Variants in ANO4 observed in about 807,000 individuals in gnomAD.
The protein encoded by ANO4 is anoctamin-4.
Under a neutral mutation model 141.9 loss-of-function variants are expected in ANO4, and 69 were observed. The observed-to-expected ratio is 0.49, with a 90% CI of 0.40 to 0.59. The LOEUF (loss-of-function observed/expected upper bound fraction) is 0.59, where lower values mean the gene tolerates loss of function less well. Ranked by LOEUF, ANO4 falls within the 20% of genes least tolerant of loss-of-function variation. ANO4 has a pLI of 0.00. For missense variants in ANO4, 894 were observed against 1,162.2 expected (o/e 0.77, Z 3.36); for synonymous variants, 350 against 394.3 (o/e 0.89, Z 1.33).
rs139462317 is a variant in ANO4 at position 100,966,884 on chromosome 12, T to TACACAC, written c.457-4406_457-4401dup. 4.5e-3 allele frequency among the ~76,000 whole-genome samples: 662 copies of TACACAC among 147,568 alleles called. 4 individuals carry two copies. The highest frequency in any genetic ancestry group is 0.013 in the African/African-American group (513 of 40,140). ...ATGTATATATATATACACACACACA[T>TACACAC]ACACACACACACACACACACATACA... On this transcript the variant is annotated intron_variant, in intron 5 of 27. Transcript: ENST00000392977.
chr12:100,891,140 T>C (rs1175029081), intron 1 of ANO4, among the ~76,000 whole-genome samples: 1 of 152,220 alleles, frequency 6.6e-6, no homozygotes, highest in African/African-American at 2.4e-5. Context: ...TGTCTTTTCA[T>C]GGCTTGACAG....
intron 8 of ANO4, among the ~76,000 whole-genome samples, chr12:101,002,433 G>C (rs1044040248): frequency 6.6e-6 from 1 of 152,152 alleles, no homozygotes. Context: ...AGGGCCTTTG[G>C]GATAAAGCTT....
At chr12:100,754,020 T>A (rs910841708) in intron 3 of ANO4, among the ~76,000 whole-genome samples, 2 of 152,188 alleles carry the variant, frequency 1.3e-5, no homozygotes, top group African/African-American at 4.8e-5. Flanking sequence ...GTTCTTTTGC[T>A]CTTGTGAATA....
intron 1 of ANO4, among the ~76,000 whole-genome samples, chr12:100,897,900 A>G (rs572264274): frequency 2.0e-5 from 3 of 152,232 alleles, no homozygotes; most frequent in Non-Finnish European, 2.9e-5. Context: ...TGGGCTTCCA[A>G]TCTGTCCCCC....
At chr12:100,853,343 T>G (rs1266547883) in intron 1 of ANO4, among the ~76,000 whole-genome samples, 3 of 152,142 alleles carry the variant, frequency 2.0e-5, no homozygotes, top group African/African-American at 7.2e-5. Context: ...GTATGTCCTG[T>G]TTAAGAAATA....
At chr12:100,811,338 A>G (rs2035424081) in intron 1 of ANO4, among the ~76,000 whole-genome samples, 1 of 152,312 alleles carries the variant, frequency 6.6e-6, no homozygotes, top group South Asian at 2.1e-4. Context: ...TGGAGACTTG[A>G]GTCAGGCTAG....
intron 17 of ANO4, among the ~76,000 whole-genome samples, chr12:101,088,765 G>T (rs1443014694): frequency 6.6e-6 from 1 of 151,562 alleles, no homozygotes; most frequent in Non-Finnish European, 1.5e-5. Context: ...TGGCACACCT[G>T]TAGTCTCAGC....
chr12:101,084,203 C>T lies in ANO4; in HGVS notation c.1536+385C>T, dbSNP rs573728848. 3.3e-5 allele frequency among the ~76,000 whole-genome samples: 5 copies of T among 152,288 alleles called. No homozygotes were observed. The South Asian group carries it at 1.0e-3, about 32-fold the overall frequency. Reference sequence around the variant, plus strand: ...ATACAGTAAGAAATATATTCTCTGTCATAACCCCGAATATGCCAAGCAAGT... The same window carrying T: ...ATACAGTAAGAAATATATTCTCTGTTATAACCCCGAATATGCCAAGCAAGT... On this transcript the variant is annotated intron_variant, in intron 16 of 27. Coordinates refer to ENST00000392977, the MANE Select transcript of ANO4 (RefSeq NM_001286615.2).
At chr12:100,938,770 G>A (rs995556270) in intron 3 of ANO4, among the ~76,000 whole-genome samples, 1 of 152,078 alleles carries the variant, frequency 6.6e-6, no homozygotes, top group Non-Finnish European at 1.5e-5. Flanking sequence ...GAAGAAAAAA[G>A]GCCAAAAATC....
intron 8 of ANO4, among the ~76,000 whole-genome samples, chr12:100,998,406 T>TCTAG (rs1319197265): frequency 6.6e-6 from 1 of 151,812 alleles, no homozygotes; most frequent in African/African-American, 2.4e-5. Context: ...TATCTATCTA[T>TCTAG]CTATCTATCC....
chr12:101,048,521 A>G (rs192470718), intron 14 of ANO4, 120 bp downstream of exon 14: 2 of 837,432 alleles, frequency 2.4e-6, no homozygotes, highest in East Asian at 5.2e-5. Context: ...TAGCTTTCCT[A>G]TTAGTAGAAA....
At chr12:101,025,191 A>G (rs1432540354) in intron 9 of ANO4, among the ~76,000 whole-genome samples, 6 of 152,234 alleles carry the variant, frequency 3.9e-5, no homozygotes, top group Non-Finnish European at 5.9e-5. Context: ...AACAGACAAA[A>G]TGTATGAAAC....
At chr12:100,764,496 A>T (rs1342620398) in intron 3 of ANO4, among the ~76,000 whole-genome samples, 1 of 152,220 alleles carries the variant, frequency 6.6e-6, no homozygotes, top group Non-Finnish European at 1.5e-5. Flanking sequence ...CACTTTAATT[A>T]TCCTTCTCAG....
intron 17 of ANO4, among the ~76,000 whole-genome samples, 188 bp downstream of exon 17, chr12:101,087,012 T>C (rs1276690685): frequency 6.6e-6 from 1 of 152,130 alleles, no homozygotes; most frequent in Non-Finnish European, 1.5e-5. Flanking sequence ...TTGATTCAAA[T>C]CTAGACTCCG....
chr12:100,765,431 T>G (rs1303439407), intron 3 of ANO4, among the ~76,000 whole-genome samples: 1 of 147,686 alleles, frequency 6.8e-6, no homozygotes, highest in Non-Finnish European at 1.5e-5. Context: ...CAGGTTGGAG[T>G]GCAGTGGCAT....
Position 100,929,902 on chromosome 12 carries a change from GT to G in ANO4, c.160+7577del, listed in dbSNP as rs372763769. Among the ~76,000 whole-genome samples the G allele has an allele frequency of 5.9e-5, 9 of 152,194 alleles. No individual in the cohort carries two copies. In the East Asian group the frequency reaches 1.7e-3, roughly 29 times the overall value. ...TTTTACAATGAGATTTCTCATTGTA[GT>G]TTTTATTTGCATTTCTCTGATGATC... is the stretch of plus-strand genomic sequence containing the variant. On this transcript the variant is annotated intron_variant, in intron 3 of 27. Coordinates refer to ENST00000392977, the MANE Select transcript of ANO4 (RefSeq NM_001286615.2).
chr12:101,111,743 T>A, intron 24 of ANO4, 33 bp downstream of exon 24: 1 of 1,529,496 alleles, frequency 6.5e-7, no homozygotes, highest in Non-Finnish European at 8.8e-7. Flanking sequence ...ATACAGTTTC[T>A]ATTTCCTAGC....
intron 5 of ANO4, among the ~76,000 whole-genome samples, chr12:100,949,619 A>G (rs1236021451): frequency 6.6e-6 from 1 of 152,224 alleles, no homozygotes; most frequent in Non-Finnish European, 1.5e-5. Flanking sequence ...ACTTTAAGAA[A>G]AATTTTCATC....
chr12:101,061,335 C>G (rs1184779041), intron 14 of ANO4, among the ~76,000 whole-genome samples: 1 of 151,468 alleles, frequency 6.6e-6, no homozygotes, highest in East Asian at 1.9e-4. Context: ...TCATTTTAAC[C>G]TTGGTGAATC....
Sources: allele counts gnomAD v4.1 joint callset (sites outside exome capture counted in the v4.1 genomes callset), GRCh38; gene constraint gnomAD v4.1.1; transcripts MANE v1.5; gene names NCBI Gene and HGNC (gene_info 2026-07-23, HGNC 2026-07-21).